LYPD5: variants seen among roughly 807,000 people sequenced by gnomAD.
LYPD5 encodes the protein LY6/PLAUR domain containing 5, also known as ly6/PLAUR domain-containing protein 5.
A neutral mutation model predicts 19.1 loss-of-function variants in LYPD5; 21 were observed. The ratio of observed to expected loss-of-function variants is 1.10; its 90% CI spans 0.78 to 1.58. The LOEUF is 1.58. Ranked by LOEUF, LYPD5 falls within the 40% of genes most tolerant of loss-of-function variation. The probability of loss-of-function intolerance (pLI) is 0.00; values close to 1 mark genes in which losing one functional copy is unlikely to be tolerated. For missense variants in LYPD5, 287 were observed against 329.8 expected, an observed-to-expected ratio of 0.87 and a Z score of 1.00; for synonymous variants, 128 against 142.7, an observed-to-expected ratio of 0.90 and a Z score of 0.74.
intron 1 of LYPD5, among the ~76,000 whole-genome samples, chr19:43,810,922 G>A (rs993989299): frequency 1.3e-5 from 2 of 151,982 alleles, no homozygotes; most frequent in African/African-American, 4.8e-5. Flanking sequence ...GAGCCACTGC[G>A]CCCAGCCTAA....
chr19:43,802,392 G>A lies in LYPD5; in HGVS notation c.-12C>T. On this transcript the variant is annotated 5_prime_UTR_variant, in exon 1 of 5. Coordinates refer to ENST00000377950, the MANE Select transcript of LYPD5 (RefSeq NM_001031749.3). Reference sequence around the variant, plus strand: ...ACCCCCATTGCCATTGCTGAGCTGGGCCACCTGGGACAGCTCCTCCCGCTG... The same window carrying A: ...ACCCCCATTGCCATTGCTGAGCTGGACCACCTGGGACAGCTCCTCCCGCTG... 6.4e-7 allele frequency: 1 copy of A among 1,551,112 alleles called. No individual in the cohort carries two copies. Among genetic ancestry groups the A allele is most frequent in the African/African-American group, 1.4e-5 (1 of 73,138 alleles).
At chr19:43,807,781 G>A (rs535179667) in intron 1 of LYPD5, among the ~76,000 whole-genome samples, 1 of 152,340 alleles carries the variant, frequency 6.6e-6, no homozygotes, top group South Asian at 2.1e-4. Context: ...CAAGGGTTCA[G>A]TGCACCCCAG....
rs749286397 is a variant in LYPD5, at chr19:43,798,520, G to C, written c.452C>G (p.Ser151Cys). 3.7e-6 allele frequency: 6 copies of C among 1,609,480 alleles called. No individual in the cohort carries two copies. The East Asian group carries it at 8.9e-5, about 24-fold the overall frequency. ...GTCCTGGTGACACTGGACTCGTCGG[G>C]ACCTGCCGATAGCGCAGTCATCCTG... ...VHQDDCAIGR[S>C]RRVQCHQDQT... Residue 151 changes from serine to cysteine, a missense_variant, in exon 4 of 5, where the codon TCC becomes TGC. Transcript: ENST00000377950.
At position 43,798,909 on chromosome 19, in the gene LYPD5, G is replaced by T; in HGVS notation, c.273C>A (p.Asp91Glu). The change falls in exon 3 of 5, where the codon GAC (aspartate) becomes GAA (glutamate). Residue 91 changes from aspartate (D) to glutamate (E), a missense_variant. Coordinates refer to ENST00000377950, the MANE Select transcript of LYPD5 (RefSeq NM_001031749.3). The part of the protein sequence containing the change: ...PPAGQTQSNA[D>E]ALPPDYSVVR... ...CCACCGAGTAGTCTGGCGGCAGCGC[G>T]TCCGCGTTCGATTGCGTCTGGCCCG... 6.2e-7 allele frequency: 1 copy of T among 1,600,058 alleles called. No individual in the cohort carries two copies. Among genetic ancestry groups the T allele is most frequent in the Non-Finnish European group, 8.5e-7 (1 of 1,173,800 alleles).
upstream of LYPD5, among the ~76,000 whole-genome samples, chr19:43,806,660 CAACAA>C (rs149155466): frequency 0.19 from 28,847 of 150,934 alleles, 2,749 homozygotes; most frequent in Non-Finnish European, 0.21. Context: ...GACACCGTCT[CAACAA>C]AACAAAACAA....
At chr19:43,807,571 C>T (rs1247125804) in intron 1 of LYPD5, among the ~76,000 whole-genome samples, 5 of 152,254 alleles carry the variant, frequency 3.3e-5, no homozygotes, top group East Asian at 3.9e-4. Context: ...TGTGAGCCAC[C>T]GCGCCTGGCC....
chr19:43,798,743 C>T (rs1970173816), intron 3 of LYPD5, 69 bp downstream of exon 3: 3 of 1,569,122 alleles, frequency 1.9e-6, no homozygotes, highest in South Asian at 2.3e-5. Context: ...CAGCGGAGGC[C>T]ACGCCTTCCC....
upstream of LYPD5, among the ~76,000 whole-genome samples, chr19:43,803,082 T>C (rs556055009): frequency 1.3e-5 from 2 of 148,920 alleles, no homozygotes; most frequent in African/African-American, 2.5e-5. Context: ...AGAGAGAGAG[T>C]GTGCCTTCGA....
chr19:43,811,673 G>GAGAAAGAAAGAAAGAA (rs757588163), intron 1 of LYPD5, among the ~76,000 whole-genome samples: 12 of 126,462 alleles, frequency 9.5e-5, no homozygotes, highest in Admixed American at 5.7e-4. Context: ...GTGACAAAGG[G>GAGAAAGAAAGAAAGAA]AGAAAGAAAG....
intron 1 of LYPD5, among the ~76,000 whole-genome samples, chr19:43,814,600 G>A (rs1473127354): frequency 6.6e-6 from 1 of 152,136 alleles, no homozygotes; most frequent in Non-Finnish European, 1.5e-5. Flanking sequence ...TAGTGGTCCC[G>A]TAATATGATA....
chr19:43,812,198 G>A (rs900297262), intron 1 of LYPD5, among the ~76,000 whole-genome samples: 1 of 152,178 alleles, frequency 6.6e-6, no homozygotes, highest in African/African-American at 2.4e-5. Context: ...TGCTTTTCAT[G>A]CCTTTGCTTA....
intron 1 of LYPD5, among the ~76,000 whole-genome samples, chr19:43,818,374 T>C (rs1215783135): frequency 6.6e-6 from 1 of 152,200 alleles, no homozygotes; most frequent in Admixed American, 6.5e-5. Context: ...AACACTTGTA[T>C]GAAGGTCTTA....
chr19:43,806,863 C>T (rs1348730605), upstream of LYPD5, among the ~76,000 whole-genome samples: 1 of 152,186 alleles, frequency 6.6e-6, no homozygotes, highest in Non-Finnish European at 1.5e-5. Flanking sequence ...TTGTCTTCCA[C>T]ACAATCAGTC....
intron 1 of LYPD5, among the ~76,000 whole-genome samples, chr19:43,819,526 A>G (rs774780056): frequency 2.0e-4 from 30 of 151,834 alleles, no homozygotes; most frequent in Non-Finnish European, 3.4e-4. Flanking sequence ...CCTTTTTCTA[A>G]GTAGCTTAAA....
rs925691243 is a variant in LYPD5, at chr19:43,798,700, G to A, written c.371-99C>T. 67 of 1,580,982 alleles carry A rather than the reference G, an allele frequency of 4.2e-5. 1 individual carries two copies. Among genetic ancestry groups the A allele is most frequent in the Non-Finnish European group, 6.0e-6 (7 of 1,163,290 alleles). On this transcript the variant is annotated intron_variant, in intron 3 of 4. Transcript: ENST00000377950. ...GAGCCCGCGCCTAGCACGTCTCGGGGGTTGGGATCCTAGCGCGCCAAGAGC... is the reference window on the plus strand; with the variant it reads ...GAGCCCGCGCCTAGCACGTCTCGGGAGTTGGGATCCTAGCGCGCCAAGAGC...
At chr19:43,817,060 G>A (rs542429461) in intron 1 of LYPD5, among the ~76,000 whole-genome samples, 243 of 152,276 alleles carry the variant, frequency 1.6e-3, no homozygotes, top group Non-Finnish European at 3.0e-3. Flanking sequence ...GAAAACAGAC[G>A]AAAACAATCA....
chr19:43,816,066 CTATCTATCTAT>C (rs1970372577), intron 1 of LYPD5, among the ~76,000 whole-genome samples: 1 of 152,038 alleles, frequency 6.6e-6, no homozygotes, highest in South Asian at 2.1e-4. Flanking sequence ...ATCTATCTAT[CTATCTATCTAT>C]CTACCTATCA....
chr19:43,814,263 G>A (rs76078115), intron 1 of LYPD5, among the ~76,000 whole-genome samples: 1,963 of 152,220 alleles, frequency 0.013, 39 homozygotes, highest in African/African-American at 0.045. Flanking sequence ...AGTCTCAGGC[G>A]GGACGATGGC....
intron 1 of LYPD5, 110 bp downstream of exon 1, chr19:43,802,207 A>AGACCCAGGATTCCAGGCCCCCAG: frequency 1.5e-6 from 1 of 647,118 alleles, no homozygotes; most frequent in Non-Finnish European, 2.5e-6. Context: ...CAGGCCCCCA[A>AGACCCAGGATTCCAGGCCCCCAG]CCCCTCCTCC....
Sources: gnomAD v4.1 joint callset for allele counts (sites outside exome capture counted in the v4.1 genomes callset) on GRCh38, gnomAD v4.1.1 for gene constraint, MANE v1.5 for transcripts, NCBI Gene and HGNC (gene_info 2026-07-23, HGNC 2026-07-21) for gene names.